The following FAAH2 variants were observed in gnomAD, a reference collection of about 807,000 sequenced individuals.
FAAH2 encodes fatty-acid amide hydrolase 2.
FAAH2 carries 60 observed loss-of-function variants against 36.9 expected under a neutral mutation model. The ratio of observed to expected loss-of-function variants is 1.63; its 90% CI spans 1.32 to 2.02. The LOEUF is 2.02. Among genes scored for constraint, FAAH2 ranks in the 30% most tolerant of loss-of-function variants. FAAH2 has a pLI of 0.00. For synonymous variants in FAAH2, 214 were observed against 143.8 expected, an observed-to-expected ratio of 1.49 and a Z score of -3.49; for missense variants, 689 against 397.5, an observed-to-expected ratio of 1.73 and a Z score of -6.23.
At chrX:57,412,525 A>G (rs1004433247) in intron 7 of FAAH2, among the ~76,000 whole-genome samples, 3 of 111,803 alleles carry the variant, frequency 2.7e-5, no homozygotes, top group South Asian at 3.7e-4. Flanking sequence ...TTCCAGCTAC[A>G]TCCATCTTCC....
the FAAH2 span, among the ~76,000 whole-genome samples, chrX:57,235,649 G>A: frequency 1.8e-5 from 2 of 111,883 alleles, no homozygotes; most frequent in African/African-American, 6.5e-5. Flanking sequence ...TGAAAATTTG[G>A]GTGGGAGTAA....
intron 9 of FAAH2, among the ~76,000 whole-genome samples, 154 bp downstream of exon 9, chrX:57,447,193 G>A (rs1245194135): frequency 8.9e-6 from 1 of 111,980 alleles, no homozygotes; most frequent in African/African-American, 3.2e-5. Context: ...TTGACTCCAT[G>A]TCTCACATCC....
the FAAH2 span, among the ~76,000 whole-genome samples, chrX:57,211,289 C>T: frequency 1.8e-5 from 2 of 111,980 alleles, no homozygotes; most frequent in East Asian, 2.8e-4. Context: ...CCTTGTGCTG[C>T]CTCTTTGGCA....
chrX:57,219,351 G>T, the FAAH2 span, among the ~76,000 whole-genome samples: 10 of 111,487 alleles, frequency 9.0e-5, no homozygotes, highest in East Asian at 2.8e-3. Flanking sequence ...TCTGGGAGGG[G>T]CTCAGGTCTG....
At chrX:57,254,374 A>G in the FAAH2 span, among the ~76,000 whole-genome samples, 1 of 111,941 alleles carries the variant, frequency 8.9e-6, no homozygotes, top group South Asian at 3.7e-4. Context: ...ATGAGACAGA[A>G]AATTAACAAG....
the FAAH2 span, among the ~76,000 whole-genome samples, chrX:57,234,657 A>AT: frequency 1.8e-5 from 2 of 111,394 alleles, no homozygotes; most frequent in Non-Finnish European, 3.8e-5. Flanking sequence ...ACAGTTCACA[A>AT]TAGGGTTCAA....
intron 7 of FAAH2, among the ~76,000 whole-genome samples, chrX:57,399,704 T>A (rs2055387230): frequency 8.9e-6 from 1 of 112,453 alleles, no homozygotes; most frequent in Admixed American, 9.4e-5. Context: ...AATGGCTTCC[T>A]GATGTTTGAT....
At chrX:57,301,571 C>A (rs1489544987) in intron 2 of FAAH2, among the ~76,000 whole-genome samples, 2 of 104,982 alleles carry the variant, frequency 1.9e-5, no homozygotes, top group Non-Finnish European at 3.9e-5. Context: ...ATGTAACAAA[C>A]CTGCACGTTG....
the FAAH2 span, among the ~76,000 whole-genome samples, chrX:57,258,702 T>A: frequency 1.0e-5 from 1 of 96,447 alleles, no homozygotes; most frequent in East Asian, 3.2e-4. Flanking sequence ...AAAGGTTTTT[T>A]TGTTGCCTTT....
upstream of FAAH2, among the ~76,000 whole-genome samples, chrX:57,283,524 A>G (rs2051773409): frequency 9.0e-6 from 1 of 111,693 alleles, no homozygotes; most frequent in Non-Finnish European, 1.9e-5. Context: ...AACCACTGCA[A>G]TGGCAGTGGC....
At chrX:57,180,974 C>T in the FAAH2 span, among the ~76,000 whole-genome samples, 1 of 111,802 alleles carries the variant, frequency 8.9e-6, no homozygotes, top group Non-Finnish European at 1.9e-5. Context: ...ATTGCTTCAA[C>T]ATATGCAAGT....
intron 7 of FAAH2, among the ~76,000 whole-genome samples, chrX:57,406,867 C>T (rs896838746): frequency 2.7e-5 from 3 of 112,309 alleles, no homozygotes; most frequent in Non-Finnish European, 3.8e-5. Context: ...AAGTGCTAGA[C>T]GAACAACCAC....
chrX:57,197,982 T>C, the FAAH2 span, among the ~76,000 whole-genome samples: 1 of 111,871 alleles, frequency 8.9e-6, no homozygotes, highest in South Asian at 3.7e-4. Context: ...TATTAGTTGG[T>C]GTAATGGATT....
chrX:57,206,233 T>A, the FAAH2 span, among the ~76,000 whole-genome samples: 1 of 112,203 alleles, frequency 8.9e-6, no homozygotes, highest in Admixed American at 9.5e-5. Flanking sequence ...TAGGTAGGAA[T>A]GCCTAGAGCA....
chrX:57,343,011 T>C (rs2053725867), intron 5 of FAAH2, among the ~76,000 whole-genome samples: 1 of 112,163 alleles, frequency 8.9e-6, no homozygotes, highest in Non-Finnish European at 1.9e-5. Flanking sequence ...ACATATTCTT[T>C]ATTCAGTCCA....
intron 3 of FAAH2, among the ~76,000 whole-genome samples, chrX:57,317,533 A>G (rs1284768534): frequency 8.9e-6 from 1 of 111,758 alleles, no homozygotes; most frequent in East Asian, 2.8e-4. Context: ...TTAGAGACAA[A>G]CAAAGAGACT....
intron 8 of FAAH2, among the ~76,000 whole-genome samples, chrX:57,438,943 A>G (rs1348797130): frequency 2.7e-5 from 3 of 110,398 alleles, no homozygotes; most frequent in Admixed American, 9.7e-5. Context: ...ATCATTTTTT[A>G]TGGCTGCATA....
chrX:57,174,035 T>G, the FAAH2 span, among the ~76,000 whole-genome samples: 3 of 111,313 alleles, frequency 2.7e-5, no homozygotes, highest in South Asian at 7.5e-4. Flanking sequence ...TTTTCATTTT[T>G]TATGCCCTTT....
rs758688281 is a variant in FAAH2, at chrX:57,331,663, G to T, written c.478G>T (p.Val160Leu). 7 of 1,211,698 alleles carry T rather than the reference G, an allele frequency of 5.8e-6. No individual in the cohort carries two copies. Among genetic ancestry groups the T allele is most frequent in the Non-Finnish European group, 7.8e-6 (7 of 895,400 alleles). The part of the protein sequence containing the change: ...DAIAKTDATV[V>L]ALLKGAGAIP... ...CATTGCCAAAACAGATGCCACTGTG[G>T]TGGCATTACTGAAGGGAGCTGGTGC... is the stretch of plus-strand genomic sequence containing the variant. Residue 160 changes from valine to leucine, a missense_variant, in exon 4 of 11, where the codon GTG (valine) becomes TTG (leucine). Transcript: ENST00000374900.
Sources: gnomAD v4.1 joint callset for allele counts (sites outside exome capture counted in the v4.1 genomes callset) on GRCh38, gnomAD v4.1.1 for gene constraint, MANE v1.5 for transcripts, NCBI Gene and HGNC (gene_info 2026-07-23, HGNC 2026-07-21) for gene names.